The following ZNF385D variants were observed in gnomAD, a reference collection of about 807,000 sequenced individuals.
The protein encoded by ZNF385D is zinc finger protein 659.
Under a neutral mutation model 35.8 loss-of-function variants are expected in ZNF385D, and 15 were observed. That is an observed-to-expected ratio of 0.42 (90% CI 0.28 to 0.64). The LOEUF (loss-of-function observed/expected upper bound fraction) is 0.64, where lower values mean the gene tolerates loss of function less well. Ranked by LOEUF, ZNF385D falls within the 30% of genes least tolerant of loss-of-function variation. The pLI is 0.23. For missense variants in ZNF385D, 474 were observed against 494.6 expected (o/e 0.96, Z 0.39); for synonymous variants, 212 against 186.8 (o/e 1.13, Z -1.10).
intron 3 of ZNF385D, among the ~76,000 whole-genome samples, chr3:21,870,009 T>C (rs922340806): frequency 6.6e-6 from 1 of 152,176 alleles, no homozygotes; most frequent in African/African-American, 2.4e-5. Context: ...TGTGGATTTT[T>C]TTTTAAAAAA....
intron 2 of ZNF385D, among the ~76,000 whole-genome samples, chr3:22,225,431 G>T (rs1236230278): frequency 6.6e-6 from 1 of 152,148 alleles, no homozygotes; most frequent in African/African-American, 2.4e-5. Flanking sequence ...AAGTGCCAGA[G>T]AATTAAATTT....
intron 2 of ZNF385D, among the ~76,000 whole-genome samples, chr3:22,171,619 G>T (rs1241044003): frequency 6.6e-6 from 1 of 152,126 alleles, no homozygotes; most frequent in Admixed American, 6.5e-5. Flanking sequence ...GCTCACGCCT[G>T]TAATCCCAGC....
intron 3 of ZNF385D, among the ~76,000 whole-genome samples, chr3:22,005,432 C>A (rs1025130671): frequency 1.3e-5 from 2 of 151,778 alleles, no homozygotes; most frequent in African/African-American, 4.8e-5. Flanking sequence ...TCAGTAGTGT[C>A]GCAGGGTAAC....
intron 2 of ZNF385D, among the ~76,000 whole-genome samples, chr3:21,626,557 A>G (rs974083905): frequency 2.0e-5 from 3 of 152,208 alleles, no homozygotes; most frequent in South Asian, 4.1e-4. Flanking sequence ...CTATGTCAGG[A>G]TAAAGCGTTG....
chr3:21,833,024 A>C (rs1407559650), intron 3 of ZNF385D, among the ~76,000 whole-genome samples: 1 of 152,162 alleles, frequency 6.6e-6, no homozygotes, highest in East Asian at 1.9e-4. Context: ...GGTAGCGCAC[A>C]TCCTACTTGT....
intron 4 of ZNF385D, among the ~76,000 whole-genome samples, chr3:21,467,541 G>T (rs182081264): frequency 1.3e-5 from 2 of 152,164 alleles, no homozygotes; most frequent in African/African-American, 4.8e-5. Context: ...CAGAAAGGGG[G>T]CAAGCTGGCA....
At chr3:22,112,310 C>A (rs945629437) in intron 3 of ZNF385D, among the ~76,000 whole-genome samples, 1 of 151,978 alleles carries the variant, frequency 6.6e-6, no homozygotes, top group Non-Finnish European at 1.5e-5. Context: ...TAATGAATAA[C>A]CACAAGAAAT....
intron 3 of ZNF385D, among the ~76,000 whole-genome samples, chr3:22,009,100 G>C (rs927867896): frequency 2.6e-5 from 4 of 152,286 alleles, no homozygotes; most frequent in East Asian, 1.9e-4. Flanking sequence ...CCACTTTAGA[G>C]AGCACATTGT....
At chr3:21,607,365 AAATT>A (rs1256996249) in intron 2 of ZNF385D, among the ~76,000 whole-genome samples, 3 of 152,332 alleles carry the variant, frequency 2.0e-5, no homozygotes, top group South Asian at 2.1e-4. Flanking sequence ...AATCATATTG[AAATT>A]AATAAAACCA....
intron 2 of ZNF385D, among the ~76,000 whole-genome samples, chr3:22,236,926 C>G (rs1381876649): frequency 6.6e-6 from 1 of 152,136 alleles, no homozygotes. Flanking sequence ...TATTTATCTA[C>G]ATATTATGTG....
At chr3:22,045,112 G>GA (rs370272194) in intron 3 of ZNF385D, among the ~76,000 whole-genome samples, 116 of 151,514 alleles carry the variant, frequency 7.7e-4, no homozygotes, top group African/African-American at 2.6e-3. Flanking sequence ...ATTGCTTTTG[G>GA]AAAAAAAGCC....
At chr3:22,022,619 G>T (rs981950682) in intron 3 of ZNF385D, among the ~76,000 whole-genome samples, 27 of 152,050 alleles carry the variant, frequency 1.8e-4, no homozygotes, top group Admixed American at 1.3e-3. Flanking sequence ...AGCATATTCC[G>T]GATCCTACCA....
chr3:21,811,032 G>A (rs1304518310), intron 3 of ZNF385D, among the ~76,000 whole-genome samples: 1 of 149,498 alleles, frequency 6.7e-6, no homozygotes, highest in Non-Finnish European at 1.5e-5. Context: ...AGTAATTAAT[G>A]TAATTAATGT....
At chr3:22,171,014 G>C (rs1274045433) in intron 2 of ZNF385D, among the ~76,000 whole-genome samples, 1 of 152,148 alleles carries the variant, frequency 6.6e-6, no homozygotes, top group Non-Finnish European at 1.5e-5. Flanking sequence ...CTTAGAAAAA[G>C]TATTAGAATT....
intron 2 of ZNF385D, among the ~76,000 whole-genome samples, chr3:22,198,272 A>C (rs771227852): frequency 7.2e-5 from 11 of 152,092 alleles, no homozygotes; most frequent in Non-Finnish European, 1.0e-4. Context: ...GTATATTTAG[A>C]AATAAGAGGA....
At chr3:21,484,011 G>C (rs892484117) in intron 4 of ZNF385D, among the ~76,000 whole-genome samples, 1 of 152,116 alleles carries the variant, frequency 6.6e-6, no homozygotes, top group East Asian at 1.9e-4. Context: ...AATTTGGACA[G>C]GGGAAATTTA....
intron 2 of ZNF385D, among the ~76,000 whole-genome samples, chr3:22,260,823 A>G (rs1398216873): frequency 6.6e-6 from 1 of 152,052 alleles, no homozygotes; most frequent in Non-Finnish European, 1.5e-5. Context: ...AAACTCAAAA[A>G]TCATAGCCAG....
intron 1 of ZNF385D, 29 bp downstream of exon 1, chr3:21,750,866 A>T: frequency 6.2e-7 from 1 of 1,613,940 alleles, no homozygotes; most frequent in Non-Finnish European, 8.5e-7. Context: ...GGACACCCCC[A>T]GAATTACATC....
chr3:21,953,307 ATTAT>A (rs1301455313), intron 3 of ZNF385D, among the ~76,000 whole-genome samples: 1 of 151,884 alleles, frequency 6.6e-6, no homozygotes, highest in Admixed American at 6.6e-5. Context: ...TCAATAGGTA[ATTAT>A]TTAGTTTTTG....
Sources: allele counts gnomAD v4.1 joint callset (sites outside exome capture counted in the v4.1 genomes callset), GRCh38; gene constraint gnomAD v4.1.1; transcripts MANE v1.5; gene names NCBI Gene and HGNC (gene_info 2026-07-23, HGNC 2026-07-21).